Variants in CEP112 observed in about 807,000 individuals in gnomAD.
The protein encoded by CEP112 is centrosomal protein of 112 kDa.
A neutral mutation model predicts 153.0 loss-of-function variants in CEP112; 127 were observed. The observed-to-expected ratio is 0.83, with a 90% CI of 0.72 to 0.96. The LOEUF is 0.96. Among genes scored for constraint, CEP112 ranks in the 40% least tolerant of loss-of-function variants. The probability of loss-of-function intolerance (pLI) is 0.00; values close to 1 mark genes in which losing one functional copy is unlikely to be tolerated. For missense variants in CEP112, 1,089 were observed against 1,101.2 expected (o/e 0.99, Z 0.16); for synonymous variants, 358 against 374.4 (o/e 0.96, Z 0.51).
At chr17:65,997,949 GC>G (rs1229186305) in intron 17 of CEP112, among the ~76,000 whole-genome samples, 1 of 152,016 alleles carries the variant, frequency 6.6e-6, no homozygotes, top group Non-Finnish European at 1.5e-5. Context: ...ATAACTTTCA[GC>G]TTTTATTGAA....
intron 18 of CEP112, among the ~76,000 whole-genome samples, chr17:65,930,413 G>T (rs2061079177): frequency 6.6e-6 from 1 of 152,186 alleles, no homozygotes; most frequent in Non-Finnish European, 1.5e-5. Context: ...ACCCACTACT[G>T]TGTCTAACAC....
At chr17:65,936,793 T>TCTCCCCCTCCCCCTCCCC (rs1259721394) in intron 18 of CEP112, among the ~76,000 whole-genome samples, 1 of 109,542 alleles carries the variant, frequency 9.1e-6, no homozygotes, top group Non-Finnish European at 1.9e-5. Context: ...TCCGTCTACC[T>TCTCCCCCTCCCCCTCCCC]CTCCCCCTCC....
At chr17:65,749,464 C>T (rs1162682395) in intron 22 of CEP112, among the ~76,000 whole-genome samples, 2 of 151,852 alleles carry the variant, frequency 1.3e-5, no homozygotes, top group Non-Finnish European at 2.9e-5. Flanking sequence ...GCCGAGATTG[C>T]ACCACTGCAC....
chr17:66,166,004 G>C (rs1420158664), intron 4 of CEP112, among the ~76,000 whole-genome samples: 1 of 152,032 alleles, frequency 6.6e-6, no homozygotes, highest in Non-Finnish European at 1.5e-5. Flanking sequence ...ATTTAAAATA[G>C]GATAATTATT....
intron 24 of CEP112, among the ~76,000 whole-genome samples, chr17:65,682,289 G>A (rs946380216): frequency 1.3e-5 from 2 of 152,162 alleles, no homozygotes; most frequent in Admixed American, 1.3e-4. Flanking sequence ...ACCGCGCCCA[G>A]CCTGAATTTT....
Position 65,783,322 on chromosome 17 carries a change from T to C in CEP112, c.2395-32598A>G, listed in dbSNP as rs561531435. Among the ~76,000 whole-genome samples the C allele has an allele frequency of 3.3e-5, 5 of 152,312 alleles. No individual in the cohort carries two copies. In the South Asian group the frequency reaches 1.0e-3, roughly 32 times the overall value. ...GATGAGAATGTGTCAAAATTTGAAC[T>C]CTCCTAGATTGTTGACAAAAATGTA... On this transcript the variant is annotated intron_variant, in intron 21 of 26. Transcript: ENST00000535342.
At chr17:65,878,244 T>C (rs1468731241) in intron 20 of CEP112, among the ~76,000 whole-genome samples, 1 of 152,166 alleles carries the variant, frequency 6.6e-6, no homozygotes, top group African/African-American at 2.4e-5. Context: ...AACTGTGAGA[T>C]GTCGGATGTG....
At chr17:65,667,183 T>A (rs1186948458) in intron 24 of CEP112, among the ~76,000 whole-genome samples, 1 of 152,144 alleles carries the variant, frequency 6.6e-6, no homozygotes, top group African/African-American at 2.4e-5. Context: ...TAGTGCCACC[T>A]TCTTTGTAGC....
intron 23 of CEP112, among the ~76,000 whole-genome samples, chr17:65,691,952 C>T (rs897641735): frequency 6.6e-6 from 1 of 152,196 alleles, no homozygotes. Flanking sequence ...AGACAGCTCT[C>T]ACTCCTTAGC....
intron 21 of CEP112, among the ~76,000 whole-genome samples, chr17:65,846,340 G>A (rs1568107467): frequency 6.6e-6 from 1 of 152,096 alleles, no homozygotes; most frequent in Non-Finnish European, 1.5e-5. Flanking sequence ...TTCAAAGTAT[G>A]TCTCAATAAA....
chr17:66,112,548 GGGTACATGAATT>G (rs1369260570), intron 6 of CEP112, among the ~76,000 whole-genome samples: 2 of 152,090 alleles, frequency 1.3e-5, no homozygotes, highest in East Asian at 3.9e-4. Context: ...CACTACTAGT[GGGTACATGAATT>G]GGTACTTTTA....
chr17:65,912,340 C>A (rs1403364396), intron 19 of CEP112, among the ~76,000 whole-genome samples: 1 of 152,120 alleles, frequency 6.6e-6, no homozygotes, highest in Non-Finnish European at 1.5e-5. Context: ...CATTCTGGAA[C>A]CCAACTTTCC....
At chr17:66,077,727 T>G (rs1392689975) in intron 8 of CEP112, among the ~76,000 whole-genome samples, 1 of 152,178 alleles carries the variant, frequency 6.6e-6, no homozygotes, top group Non-Finnish European at 1.5e-5. Flanking sequence ...GGGAAATTAA[T>G]CACAAAAAGA....
intron 23 of CEP112, among the ~76,000 whole-genome samples, chr17:65,690,136 A>AC (rs1339951307): frequency 7.4e-6 from 1 of 135,094 alleles, no homozygotes; most frequent in African/African-American, 2.8e-5. Flanking sequence ...AAAAAAAAAA[A>AC]AACTCCGGTC....
intron 21 of CEP112, among the ~76,000 whole-genome samples, chr17:65,786,484 G>C (rs1033437652): frequency 6.7e-6 from 1 of 148,756 alleles, no homozygotes; most frequent in Non-Finnish European, 1.5e-5. Flanking sequence ...CATTTCCTTG[G>C]TTACTGACGA....
At chr17:65,919,921 C>G (rs1287385197) in intron 19 of CEP112, among the ~76,000 whole-genome samples, 2 of 152,130 alleles carry the variant, frequency 1.3e-5, no homozygotes, top group African/African-American at 4.8e-5. Context: ...GGGTCAAGGG[C>G]AGGCCTCAGG....
At chr17:65,841,643 A>C (rs567366612) in intron 21 of CEP112, among the ~76,000 whole-genome samples, 3 of 152,104 alleles carry the variant, frequency 2.0e-5, no homozygotes, top group Non-Finnish European at 2.9e-5. Flanking sequence ...CTAGAAAAAA[A>C]GATTTGAAAT....
In CEP112 at chr17:65,797,763, T is replaced by G. The variant is rs140247528; in HGVS notation, c.2395-47039A>C. On this transcript the variant is annotated intron_variant, in intron 21 of 26. Transcript: ENST00000535342. ...TTAAGTTTGAAGAGGATTAAGTCAT[T>G]TTTTAAGCCCAGTTGAAAGCTGGTT... is the stretch of plus-strand genomic sequence containing the variant. Among the ~76,000 whole-genome samples the G allele has an allele frequency of 3.0e-3, 454 of 152,318 alleles. 1 individual carries two copies. Among genetic ancestry groups the G allele is most frequent in the Non-Finnish European group, 5.2e-3 (352 of 68,028 alleles).
intron 16 of CEP112, among the ~76,000 whole-genome samples, chr17:66,018,021 G>C (rs1285890638): frequency 2.0e-5 from 3 of 151,140 alleles, no homozygotes; most frequent in Non-Finnish European, 4.4e-5. Flanking sequence ...AAAAATCCTT[G>C]TTTGTACCTA....
Sources: allele counts gnomAD v4.1 joint callset (sites outside exome capture counted in the v4.1 genomes callset), GRCh38; gene constraint gnomAD v4.1.1; transcripts MANE v1.5; gene names NCBI Gene and HGNC (gene_info 2026-07-23, HGNC 2026-07-21).